The following ZNF160 variants were observed in gnomAD, a reference collection of about 807,000 sequenced individuals.
ZNF160 encodes the protein KRAB zinc finger protein KR18.
A neutral mutation model predicts 13.1 loss-of-function variants in ZNF160; 9 were observed. That is an observed-to-expected ratio of 0.69 (90% CI 0.41 to 1.20). The LOEUF is 1.20. Ranked by LOEUF, ZNF160 falls within the 50% of genes most tolerant of loss-of-function variation. The pLI is 0.01. For missense variants in ZNF160, 838 were observed against 988.0 expected, an observed-to-expected ratio of 0.85 and a Z score of 2.04; for synonymous variants, 293 against 333.2, an observed-to-expected ratio of 0.88 and a Z score of 1.31.
intron 4 of ZNF160, 112 bp from the exon 5 acceptor site, chr19:53,074,380 C>G: frequency 6.8e-7 from 1 of 1,480,618 alleles, no homozygotes; most frequent in East Asian, 2.4e-5. Context: ...AAAAATTCAT[C>G]CACTGGGCCA....
At chr19:53,100,508 G>A (rs1453556448) in intron 1 of ZNF160, among the ~76,000 whole-genome samples, 1 of 152,174 alleles carries the variant, frequency 6.6e-6, no homozygotes, top group Non-Finnish European at 1.5e-5. Flanking sequence ...TACTTGGGAG[G>A]CTGAGGCAGG....
At chr19:53,102,428 CT>C (rs1266368750) in intron 1 of ZNF160, among the ~76,000 whole-genome samples, 1 of 152,022 alleles carries the variant, frequency 6.6e-6, no homozygotes, top group Non-Finnish European at 1.5e-5. Context: ...CGGCCAAATC[CT>C]TTCTCCTCTC....
At chr19:53,081,394 A>C (rs532591156) in intron 3 of ZNF160, among the ~76,000 whole-genome samples, 1 of 152,184 alleles carries the variant, frequency 6.6e-6, no homozygotes, top group Non-Finnish European at 1.5e-5. Context: ...AGAATCTATA[A>C]GAAACATAAG....
chr19:53,092,368 T>C (rs7254120), intron 1 of ZNF160, among the ~76,000 whole-genome samples: 130,998 of 151,722 alleles, frequency 0.86, 56,644 homozygotes, highest in Middle Eastern at 0.93. Context: ...TAGAGTGCAA[T>C]GGCGCAATCT....
intron 2 of ZNF160, among the ~76,000 whole-genome samples, chr19:53,087,438 G>T (rs879920576): frequency 1.3e-5 from 2 of 152,146 alleles, no homozygotes; most frequent in Non-Finnish European, 2.9e-5. Flanking sequence ...TTTTAAACAT[G>T]ACAAGAAGTT....
At chr19:53,101,030 G>C (rs1351152640) in intron 1 of ZNF160, among the ~76,000 whole-genome samples, 1 of 152,042 alleles carries the variant, frequency 6.6e-6, no homozygotes, top group Admixed American at 6.6e-5. Flanking sequence ...TGTAATCCCA[G>C]AAATTTGGGA....
intron 3 of ZNF160, among the ~76,000 whole-genome samples, chr19:53,079,934 G>A (rs1203166986): frequency 6.6e-6 from 1 of 151,788 alleles, no homozygotes; most frequent in East Asian, 1.9e-4. Flanking sequence ...TTTTAGCAAC[G>A]ACAACAAAAA....
intron 1 of ZNF160, among the ~76,000 whole-genome samples, chr19:53,092,053 T>C (rs1174615944): frequency 4.6e-5 from 7 of 152,240 alleles, no homozygotes; most frequent in African/African-American, 7.2e-5. Flanking sequence ...AACTTTGTCA[T>C]TGTAATATGC....
Position 53,069,829 on chromosome 19 carries a change from A to C in ZNF160, c.705T>G (p.Tyr235Ter), listed in dbSNP as rs1209321943. Residue 235 changes from tyrosine (Y) to a stop codon, truncating the protein, a stop_gained, in exon 6 of 6, where the codon TAT (tyrosine) becomes TAG (stop). Transcript: ENST00000683776. LOFTEE classifies it low-confidence loss of function (END_TRUNC). The surrounding 1 kb of genome is among the most constrained non-coding windows in gnomAD (Gnocchi z 4.4). ...GTAATGAAAAATGGTTAAGTTCATG[A>C]TATTTTTTAGACCTGTGGGTTTGGA... ...SSVQTHRSKK[Y>*]HELNHFSLLT... 4.3e-6 allele frequency: 7 copies of C among 1,614,118 alleles called. No individual in the cohort carries two copies. The highest frequency in any genetic ancestry group is 2.7e-5 in the African/African-American group (2 of 75,018).
At chr19:53,078,740 G>A (rs1411144377) in intron 3 of ZNF160, among the ~76,000 whole-genome samples, 1 of 151,478 alleles carries the variant, frequency 6.6e-6, no homozygotes, top group African/African-American at 2.4e-5. Context: ...TACTGTGTCT[G>A]AGTGAGAAAG....
chr19:53,084,416 G>A (rs1195114208), intron 3 of ZNF160, among the ~76,000 whole-genome samples: 1 of 152,184 alleles, frequency 6.6e-6, no homozygotes, highest in African/African-American at 2.4e-5. Flanking sequence ...CTTTCTACCA[G>A]ACCTTGCTCT....
intron 1 of ZNF160, among the ~76,000 whole-genome samples, chr19:53,097,817 A>G (rs1265818294): frequency 1.3e-5 from 2 of 152,208 alleles, no homozygotes; most frequent in Non-Finnish European, 2.9e-5. Context: ...TATGGGTTTC[A>G]GGATGGTTTT....
chr19:53,088,519 TA>T (rs1031584973), intron 2 of ZNF160, among the ~76,000 whole-genome samples: 325 of 143,126 alleles, frequency 2.3e-3, no homozygotes, highest in Admixed American at 2.2e-3. Flanking sequence ...TATTTTTATT[TA>T]AAAAAAAAAA....
At chr19:53,078,947 T>G (rs1353747325) in intron 3 of ZNF160, among the ~76,000 whole-genome samples, 1 of 152,194 alleles carries the variant, frequency 6.6e-6, no homozygotes, top group African/African-American at 2.4e-5. Context: ...AAAACAATTG[T>G]ATGATACCAC....
intron 3 of ZNF160, among the ~76,000 whole-genome samples, chr19:53,079,660 CA>C (rs33935376): frequency 1.1e-3 from 131 of 124,486 alleles, no homozygotes; most frequent in East Asian, 5.8e-3. Flanking sequence ...ACAATAGCAG[CA>C]AAAAAAAAAA....
chr19:53,089,806 T>C (rs1433168353), intron 2 of ZNF160, among the ~76,000 whole-genome samples: 6 of 151,940 alleles, frequency 3.9e-5, no homozygotes, highest in Non-Finnish European at 7.4e-5. Context: ...ATCCTCACCT[T>C]CCCTCCCTGG....
intron 5 of ZNF160, among the ~76,000 whole-genome samples, chr19:53,070,520 C>G (rs188666346): frequency 6.6e-6 from 1 of 151,984 alleles, no homozygotes; most frequent in African/African-American, 2.4e-5. Flanking sequence ...ACACCATTCT[C>G]CCGCCTCAGC....
rs777088217 is a variant in ZNF160 at position 53,075,100 on chromosome 19, G to C, written c.99C>G (p.Tyr33Ter). 1 of 1,614,168 alleles carries C rather than the reference G, an allele frequency of 6.2e-7. No homozygotes were observed. The highest frequency in any genetic ancestry group is 8.5e-7 in the Non-Finnish European group (1 of 1,180,008). ...KCLDPAQRIL[Y>*]RDVMLENYWN... ...AGTAGTTCTCCAACATCACGTCCCT[G>C]TATAAGATCCTCTGAGCAGGGTCCA... Residue 33 changes from tyrosine (Y) to a stop codon, truncating the protein, a stop_gained, in exon 4 of 6, where the codon TAC becomes TAG. Transcript: ENST00000683776. LOFTEE classifies it high-confidence loss of function.
At chr19:53,096,273 T>C (rs1439729633) in intron 1 of ZNF160, among the ~76,000 whole-genome samples, 6 of 152,216 alleles carry the variant, frequency 3.9e-5, no homozygotes, top group Admixed American at 2.6e-4. Context: ...TTTTATGGTC[T>C]TCACTTTGGG....
Sources: gnomAD v4.1 joint callset for allele counts (sites outside exome capture counted in the v4.1 genomes callset) on GRCh38, gnomAD v4.1.1 for gene constraint, Gnocchi (gnomAD v3.1) non-coding constraint, MANE v1.5 for transcripts, NCBI Gene and HGNC (gene_info 2026-07-23, HGNC 2026-07-21) for gene names.